The following DCC variants were observed in gnomAD, a reference collection of about 807,000 sequenced individuals.
DCC encodes netrin receptor DCC.
In DCC, 58 loss-of-function variants were observed where a neutral mutation model predicts 172.5. That is an observed-to-expected ratio of 0.34 (90% confidence interval 0.27 to 0.42). The LOEUF (loss-of-function observed/expected upper bound fraction) is 0.42. DCC is among the 10% of genes least tolerant of loss of function. The probability of loss-of-function intolerance (pLI) is 1.00; values close to 1 mark genes in which losing one functional copy is unlikely to be tolerated. For missense variants in DCC, 1,740 were observed against 1,791.0 expected, an observed-to-expected ratio of 0.97 and a Z score of 0.51; for synonymous variants, 709 against 644.5, an observed-to-expected ratio of 1.10 and a Z score of -1.52.
At chr18:53,341,748 C>T (rs927357669) in intron 15 of DCC, among the ~76,000 whole-genome samples, 1 of 152,146 alleles carries the variant, frequency 6.6e-6, no homozygotes, top group Admixed American at 6.6e-5. Flanking sequence ...GTGTGAGAGA[C>T]ATACCCTAAG....
intron 7 of DCC, among the ~76,000 whole-genome samples, chr18:53,091,391 T>C (rs1352183089): frequency 6.9e-6 from 1 of 145,350 alleles, no homozygotes; most frequent in Non-Finnish European, 1.5e-5. Flanking sequence ...ATGTAAATTA[T>C]ATATAAATAT....
At chr18:52,530,940 A>C (rs752413580) in intron 1 of DCC, among the ~76,000 whole-genome samples, 4 of 152,318 alleles carry the variant, frequency 2.6e-5, no homozygotes, top group Non-Finnish European at 5.9e-5. Flanking sequence ...AATGTAAAAG[A>C]CCTAGATAGG....
At chr18:52,979,322 T>A (rs1401393383) in intron 5 of DCC, among the ~76,000 whole-genome samples, 2 of 151,902 alleles carry the variant, frequency 1.3e-5, no homozygotes, top group Non-Finnish European at 2.9e-5. Context: ...GGAAGGGAGG[T>A]GGGAAATAAC....
At chr18:53,071,166 A>C (rs1299213109) in intron 7 of DCC, among the ~76,000 whole-genome samples, 1 of 152,220 alleles carries the variant, frequency 6.6e-6, no homozygotes, top group Non-Finnish European at 1.5e-5. Context: ...TAGTTGTCGG[A>C]TATTTACATA....
At chr18:53,090,822 A>C (rs991904846) in intron 7 of DCC, among the ~76,000 whole-genome samples, 1 of 150,852 alleles carries the variant, frequency 6.6e-6, no homozygotes, top group African/African-American at 2.4e-5. Flanking sequence ...TTCAACTAGA[A>C]TGTCTTAGGA....
rs572614137 is a variant in DCC at position 52,766,361 on chromosome 18, G to T, written c.412+13987G>T. Among the ~76,000 whole-genome samples, 8 of 152,302 alleles carry T rather than the reference G, an allele frequency of 5.3e-5. No individual in the cohort carries two copies. The East Asian group carries it at 1.2e-3, about 22-fold the overall frequency. On this transcript the variant is annotated intron_variant, in intron 2 of 28. Transcript: ENST00000442544. The stretch of plus-strand genomic sequence containing the variant: ...AGCTTAAGTGTTAGCAGCTCAGTGG[G>T]CCCATAGCTACCCTCTGCCAACTAA...
At chr18:52,649,981 T>G (rs1354174929) in intron 1 of DCC, among the ~76,000 whole-genome samples, 1 of 148,082 alleles carries the variant, frequency 6.8e-6, no homozygotes, top group Non-Finnish European at 1.5e-5. Flanking sequence ...CTATTTTTTT[T>G]TTTTTTTTTT....
intron 13 of DCC, among the ~76,000 whole-genome samples, chr18:53,318,599 T>C (rs1322442141): frequency 1.3e-5 from 2 of 152,168 alleles, no homozygotes; most frequent in African/African-American, 4.8e-5. Flanking sequence ...TCTCTCACTA[T>C]TATTGAGTGG....
intron 1 of DCC, among the ~76,000 whole-genome samples, chr18:52,375,526 A>G (rs937505317): frequency 1.3e-5 from 2 of 152,230 alleles, no homozygotes; most frequent in Non-Finnish European, 2.9e-5. Flanking sequence ...TGTAGGAACA[A>G]TTCTTGGCAT....
intron 1 of DCC, among the ~76,000 whole-genome samples, chr18:52,472,293 C>A (rs1177157720): frequency 6.6e-6 from 1 of 152,120 alleles, no homozygotes; most frequent in Non-Finnish European, 1.5e-5. Flanking sequence ...CCCCACCAAC[C>A]CAGCTTCCTT....
rs187404123 is a variant in DCC, at chr18:53,297,627, G to A, written c.1912-7951G>A. 3.1e-3 allele frequency among the ~76,000 whole-genome samples: 466 copies of A among 152,260 alleles called. 3 individuals are homozygous for A. Among genetic ancestry groups the A allele is most frequent in the Non-Finnish European group, 5.3e-3 (363 of 68,010 alleles). On this transcript the variant is annotated intron_variant, in intron 12 of 28. Coordinates refer to ENST00000442544, the MANE Select transcript of DCC (RefSeq NM_005215.4). ...TAGGTTGTTTTACAAAAATGTTCCC[G>A]TAACAGCAACAGCTTTTGGTGGCTT...
At chr18:52,924,305 C>G (rs1462014305) in intron 4 of DCC, among the ~76,000 whole-genome samples, 1 of 152,174 alleles carries the variant, frequency 6.6e-6, no homozygotes, top group East Asian at 1.9e-4. Context: ...ACAGTCTACA[C>G]TGTTATTATA....
intron 27 of DCC, among the ~76,000 whole-genome samples, chr18:53,523,847 A>C (rs1194349158): frequency 6.6e-6 from 1 of 152,104 alleles, no homozygotes; most frequent in Non-Finnish European, 1.5e-5. Flanking sequence ...GCACATGTAT[A>C]CCTATGTAAC....
chr18:52,583,313 A>AC (rs1361867544), intron 1 of DCC, among the ~76,000 whole-genome samples: 1 of 152,240 alleles, frequency 6.6e-6, no homozygotes, highest in Non-Finnish European at 1.5e-5. Context: ...TCTGAAGAGC[A>AC]CAAAGGCTTT....
chr18:53,056,229 G>T (rs1219172714), intron 5 of DCC, among the ~76,000 whole-genome samples: 2 of 152,058 alleles, frequency 1.3e-5, no homozygotes, highest in Admixed American at 6.6e-5. Flanking sequence ...TCACAAAGCG[G>T]CAGGAGACAG....
At chr18:52,615,987 A>C (rs1466822302) in intron 1 of DCC, among the ~76,000 whole-genome samples, 5 of 152,180 alleles carry the variant, frequency 3.3e-5, no homozygotes, top group East Asian at 1.9e-4. Context: ...TGAATGAATA[A>C]TTTCAAATTT....
chr18:53,046,056 C>T (rs1391015014), intron 5 of DCC, among the ~76,000 whole-genome samples: 3 of 151,744 alleles, frequency 2.0e-5, no homozygotes, highest in East Asian at 1.9e-4. Context: ...TATGAACTCT[C>T]GTGTTATCTT....
At chr18:53,475,481 G>C (rs1355324231) in intron 25 of DCC, among the ~76,000 whole-genome samples, 1 of 152,210 alleles carries the variant, frequency 6.6e-6, no homozygotes, top group Non-Finnish European at 1.5e-5. Flanking sequence ...AGCTGCTCCA[G>C]CTGTGGCTGA....
At chr18:53,448,671 C>T (rs2045368116) in intron 22 of DCC, among the ~76,000 whole-genome samples, 1 of 149,520 alleles carries the variant, frequency 6.7e-6, no homozygotes, top group East Asian at 1.9e-4. Context: ...CCAGCCTGGT[C>T]AACATGGCAA....
Sources: gnomAD v4.1 joint callset for allele counts (sites outside exome capture counted in the v4.1 genomes callset) on GRCh38, gnomAD v4.1.1 for gene constraint, MANE v1.5 for transcripts, NCBI Gene and HGNC (gene_info 2026-07-23, HGNC 2026-07-21) for gene names.